USP34: variants seen among roughly 807,000 people sequenced by gnomAD.
The protein encoded by USP34 is ubiquitin carboxyl-terminal hydrolase 34.
In USP34, 70 loss-of-function variants were observed where a neutral mutation model predicts 460.3. That is an observed-to-expected ratio of 0.15 (90% confidence interval 0.13 to 0.19). The LOEUF (loss-of-function observed/expected upper bound fraction) is 0.19. Ranked by LOEUF, USP34 falls within the 10% of genes least tolerant of loss-of-function variation. The pLI is 1.00. For missense variants in USP34, 3,985 were observed against 4,236.2 expected, an observed-to-expected ratio of 0.94 and a Z score of 1.65; for synonymous variants, 1,647 against 1,405.3, an observed-to-expected ratio of 1.17 and a Z score of -3.85.
Position 61,325,463 on chromosome 2 carries a change from A to G in USP34, c.2931-6T>C. 2 of 1,502,142 alleles carry G rather than the reference A, an allele frequency of 1.3e-6. No homozygotes were observed. The highest frequency in any genetic ancestry group is 1.8e-6 in the Non-Finnish European group (2 of 1,129,714). The allele number at this position is 1,502,142 out of a possible 1,614,324, so 93.1% of individuals were successfully genotyped here. A position where few individuals can be genotyped will look rare whatever the true frequency, so the allele number is the denominator to read the frequency against. On this transcript the variant is annotated splice_polypyrimidine_tract_variant and splice_region_variant and intron_variant, in intron 20 of 79. Coordinates refer to ENST00000398571, the MANE Select transcript of USP34 (RefSeq NM_014709.4). Reference sequence around the variant, plus strand: ...CTTCAGCACTATGGCTGTACCTATAATTTAAAAGTCATTAAAATAATTAAA... The same window carrying G: ...CTTCAGCACTATGGCTGTACCTATAGTTTAAAAGTCATTAAAATAATTAAA...
At chr2:61,324,877 T>G (rs1352921292) in intron 21 of USP34, among the ~76,000 whole-genome samples, 1 of 152,112 alleles carries the variant, frequency 6.6e-6, no homozygotes, top group African/African-American at 2.4e-5. Context: ...GTTGGTATAA[T>G]TTATAAATGT....
chr2:61,249,234 A>C (rs910388774), intron 48 of USP34, among the ~76,000 whole-genome samples: 1 of 152,240 alleles, frequency 6.6e-6, no homozygotes, highest in Non-Finnish European at 1.5e-5. Flanking sequence ...ACTGTTAATG[A>C]ACACTACTCT....
chr2:61,297,217 G>C (rs145309674), intron 29 of USP34, among the ~76,000 whole-genome samples: 18 of 152,268 alleles, frequency 1.2e-4, no homozygotes, highest in Admixed American at 2.6e-4. Context: ...TTAAAGGCCA[G>C]AAAATTCTAA....
chr2:61,446,991 A>C (rs1438420727), intron 1 of USP34, among the ~76,000 whole-genome samples: 1 of 152,104 alleles, frequency 6.6e-6, no homozygotes, highest in Non-Finnish European at 1.5e-5. Context: ...GTGGTGGCTC[A>C]TGCCTGTAAT....
chr2:61,400,760 A>C (rs1693692716), intron 3 of USP34, among the ~76,000 whole-genome samples: 1 of 152,132 alleles, frequency 6.6e-6, no homozygotes, highest in African/African-American at 2.4e-5. Context: ...CTGAAGGTGA[A>C]GGGTTACTTG....
At chr2:61,382,955 T>C (rs997469971) in intron 6 of USP34, among the ~76,000 whole-genome samples, 26 of 152,234 alleles carry the variant, frequency 1.7e-4, no homozygotes, top group Admixed American at 1.3e-4. Flanking sequence ...TCTTCTCTGC[T>C]ATATCCTCAG....
At position 61,190,543 on chromosome 2, in the gene USP34, G is replaced by A. The variant is rs375566189; in HGVS notation, c.9704C>T (p.Thr3235Met). 9.9e-6 allele frequency: 16 copies of A among 1,613,886 alleles called. No individual in the cohort carries two copies. Among genetic ancestry groups the A allele is most frequent in the Middle Eastern group, 1.6e-4 (1 of 6,084 alleles). ...CTTTAGAAGGAAATGTGTCATGAAC[G>A]TGTAGACAATGTTGTTGTTTAAAAA... Reference protein sequence around the residue: ...RTFLNNNIVYTFMTHFLLKVQ... With the variant: ...RTFLNNNIVYMFMTHFLLKVQ... The change falls in exon 77 of 80, where the codon ACG (threonine) becomes ATG (methionine). Residue 3235 changes from threonine to methionine, a missense_variant. Thr to Met is a moderately conservative substitution (Grantham distance 81). Transcript: ENST00000398571.
At chr2:61,221,666 A>AG in intron 65 of USP34, 60 bp from the exon 66 acceptor site, 1 of 1,492,158 alleles carries the variant, frequency 6.7e-7, no homozygotes, top group South Asian at 1.2e-5. Flanking sequence ...CCTTCAGCAG[A>AG]GAAGAAACAT....
chr2:61,462,591 A>C (rs939221171), intron 1 of USP34, among the ~76,000 whole-genome samples: 2 of 150,460 alleles, frequency 1.3e-5, no homozygotes, highest in African/African-American at 4.9e-5. Flanking sequence ...CGGACAAAGT[A>C]GCTCACACCC....
rs980516361 is a variant in USP34 at position 61,220,799 on chromosome 2, A to G, written c.7900-342T>C. ...AAGGTTTCTCATCTTTACTTTTCTGATTACATGCCCAACCTGGTACTAAGT... is the reference window on the plus strand; with the variant it reads ...AAGGTTTCTCATCTTTACTTTTCTGGTTACATGCCCAACCTGGTACTAAGT... On this transcript the variant is annotated intron_variant, in intron 66 of 79. Coordinates refer to ENST00000398571, the MANE Select transcript of USP34 (RefSeq NM_014709.4). Among the ~76,000 whole-genome samples, 14 of 152,264 alleles carry G rather than the reference A, an allele frequency of 9.2e-5. No homozygotes were observed. In the East Asian group the frequency reaches 2.7e-3, roughly 29 times the overall value.
At chr2:61,352,459 G>A (rs927323127) in intron 10 of USP34, among the ~76,000 whole-genome samples, 1 of 151,568 alleles carries the variant, frequency 6.6e-6, no homozygotes, top group Non-Finnish European at 1.5e-5. Flanking sequence ...AAACCTTGTT[G>A]GGGTTTCTAG....
chr2:61,223,439 G>C (rs1020537790), intron 62 of USP34, 143 bp from the exon 63 acceptor site: 1 of 828,372 alleles, frequency 1.2e-6, no homozygotes, highest in South Asian at 1.9e-5. Context: ...AGCTACATTT[G>C]CTTGCTAAAT....
At chr2:61,340,214 ACTT>A (rs1248937830) in intron 16 of USP34, among the ~76,000 whole-genome samples, 1 of 129,862 alleles carries the variant, frequency 7.7e-6, no homozygotes, top group African/African-American at 2.9e-5. Context: ...TTAAAAAAAA[ACTT>A]AACACTATTT....
intron 48 of USP34, chr2:61,250,688 T>C (rs1004091409): frequency 1.0e-4 from 16 of 153,100 alleles, no homozygotes; most frequent in East Asian, 9.4e-4. Flanking sequence ...ACATAGTTAA[T>C]TGAAGAGCTG....
At chr2:61,218,574 C>T (rs1687469970) in intron 67 of USP34, among the ~76,000 whole-genome samples, 1 of 151,588 alleles carries the variant, frequency 6.6e-6, no homozygotes, top group Non-Finnish European at 1.5e-5. Flanking sequence ...GCCCTAATGT[C>T]CTTTTTTTTC....
chr2:61,386,447 A>G (rs958671082), intron 5 of USP34, among the ~76,000 whole-genome samples: 3 of 152,214 alleles, frequency 2.0e-5, no homozygotes, highest in East Asian at 1.9e-4. Flanking sequence ...AGGTAAAGCA[A>G]TAATACTTGT....
intron 27 of USP34, among the ~76,000 whole-genome samples, chr2:61,307,056 G>A (rs938332616): frequency 1.3e-5 from 2 of 152,042 alleles, no homozygotes; most frequent in African/African-American, 2.4e-5. Context: ...CAAAGACTTG[G>A]AACCAACCCA....
chr2:61,440,587 C>T (rs1042911839), intron 1 of USP34, among the ~76,000 whole-genome samples: 5 of 151,034 alleles, frequency 3.3e-5, no homozygotes, highest in East Asian at 4.0e-4. Context: ...GCACAATCTC[C>T]GCTCACTGCA....
At chr2:61,343,722 C>T in intron 16 of USP34, 93 bp downstream of exon 16, 1 of 1,338,758 alleles carries the variant, frequency 7.5e-7, no homozygotes, top group Admixed American at 2.1e-5. Flanking sequence ...ATTTAAGTAC[C>T]ATAACCTTAA....
Sources: allele counts gnomAD v4.1 joint callset (sites outside exome capture counted in the v4.1 genomes callset), GRCh38; gene constraint gnomAD v4.1.1; transcripts MANE v1.5; gene names NCBI Gene and HGNC (gene_info 2026-07-23, HGNC 2026-07-21).